Variants in MAGI1 observed in about 807,000 individuals in gnomAD.
The protein encoded by MAGI1 is membrane associated guanylate kinase, WW and PDZ domain containing 1.
MAGI1 carries 58 observed loss-of-function variants against 139.9 expected under a neutral mutation model. The observed-to-expected ratio is 0.41, with a 90% CI of 0.34 to 0.52. The LOEUF is 0.52. Among genes scored for constraint, MAGI1 ranks in the 20% least tolerant of loss-of-function variants. MAGI1 has a pLI of 0.12. For synonymous variants in MAGI1, 812 were observed against 737.9 expected (o/e 1.10, Z -1.63); for missense variants, 1,874 against 1,901.6 (o/e 0.99, Z 0.27).
intron 6 of MAGI1, chr3:65,452,752 T>C (rs1228808249): frequency 6.5e-6 from 1 of 153,252 alleles, no homozygotes; most frequent in African/African-American, 2.4e-5. Context: ...TTACTACATA[T>C]TGTGGGTATA....
intron 2 of MAGI1, among the ~76,000 whole-genome samples, chr3:65,523,312 C>T (rs2078242993): frequency 6.6e-6 from 1 of 151,908 alleles, no homozygotes; most frequent in Non-Finnish European, 1.5e-5. Flanking sequence ...CTAGTTTACA[C>T]AACTGTGAAA....
chr3:65,414,734 C>G (rs1464541646), intron 12 of MAGI1, among the ~76,000 whole-genome samples: 3 of 151,214 alleles, frequency 2.0e-5, no homozygotes, highest in African/African-American at 7.3e-5. Context: ...ACAACCTTTT[C>G]ATAAGAAAAA....
At chr3:65,496,160 G>C (rs1952427865) in intron 2 of MAGI1, among the ~76,000 whole-genome samples, 1 of 151,678 alleles carries the variant, frequency 6.6e-6, no homozygotes, top group East Asian at 1.9e-4. Flanking sequence ...TCTCACCTCA[G>C]CCTCCTGAGT....
chr3:65,947,160 T>C (rs561399027), intron 1 of MAGI1, among the ~76,000 whole-genome samples: 2 of 152,320 alleles, frequency 1.3e-5, no homozygotes, highest in African/African-American at 2.4e-5. Flanking sequence ...GTGTTTCCTG[T>C]AGTTCTTCAA....
intron 1 of MAGI1, among the ~76,000 whole-genome samples, chr3:65,919,488 G>T (rs772772954): frequency 2.6e-5 from 4 of 151,964 alleles, no homozygotes; most frequent in African/African-American, 9.7e-5. Context: ...CTTGAGCCCA[G>T]GAGTTTGAGG....
intron 4 of MAGI1, among the ~76,000 whole-genome samples, chr3:65,471,246 A>T (rs1374634745): frequency 6.6e-6 from 1 of 152,162 alleles, no homozygotes; most frequent in Non-Finnish European, 1.5e-5. Context: ...ATGTCATCAA[A>T]GTATCCCCGA....
At chr3:65,893,102 G>C (rs1339361236) in intron 1 of MAGI1, among the ~76,000 whole-genome samples, 4 of 152,118 alleles carry the variant, frequency 2.6e-5, no homozygotes, top group Admixed American at 2.6e-4. Flanking sequence ...ATCTAAGAAG[G>C]CTACACTGGT....
In MAGI1 at chr3:65,402,719, C is replaced by A. The variant is rs151058995; in HGVS notation, c.2168-1249G>T. ...TCAGCACAAGTAATATGAGGCGAGG[C>A]AAGGCAAGTGGGTGAGTAAGGAGGA... On this transcript the variant is annotated intron_variant, in intron 12 of 22. Coordinates refer to ENST00000402939, the MANE Select transcript of MAGI1 (RefSeq NM_001033057.2). Among the ~76,000 whole-genome samples, 388 of 152,158 alleles carry A rather than the reference C, an allele frequency of 2.5e-3. 1 individual carries two copies. The highest frequency in any genetic ancestry group is 9.0e-3 in the African/African-American group (375 of 41,494).
intron 3 of MAGI1, 23 bp from the exon 4 acceptor site, chr3:65,478,821 T>G (rs771471164): frequency 2.6e-6 from 4 of 1,567,504 alleles, no homozygotes; most frequent in Non-Finnish European, 3.5e-6. Flanking sequence ...GAGACACATT[T>G]GCATGTTTCA....
At chr3:65,656,923 T>C (rs1012340540) in intron 1 of MAGI1, among the ~76,000 whole-genome samples, 2 of 128,420 alleles carry the variant, frequency 1.6e-5, no homozygotes, top group Admixed American at 2.0e-4. Flanking sequence ...ACTTGAACAG[T>C]GAGCCAAGAT....
At chr3:65,675,025 G>A (rs1482035287) in intron 1 of MAGI1, among the ~76,000 whole-genome samples, 1 of 152,040 alleles carries the variant, frequency 6.6e-6, no homozygotes, top group Non-Finnish European at 1.5e-5. Context: ...TCATGGGGCT[G>A]GCTCTGCTGT....
intron 1 of MAGI1, among the ~76,000 whole-genome samples, chr3:65,713,352 G>C (rs909700345): frequency 2.0e-5 from 3 of 152,160 alleles, no homozygotes; most frequent in African/African-American, 7.2e-5. Context: ...TCTGGAAAGA[G>C]AGCCTTGTAT....
At chr3:65,616,797 T>C (rs576545569) in intron 2 of MAGI1, among the ~76,000 whole-genome samples, 11 of 152,334 alleles carry the variant, frequency 7.2e-5, no homozygotes, top group South Asian at 2.1e-4. Context: ...AACACAGGTA[T>C]GCACATTCCA....
chr3:65,903,564 C>T (rs952167453), intron 1 of MAGI1, among the ~76,000 whole-genome samples: 3 of 152,132 alleles, frequency 2.0e-5, no homozygotes, highest in East Asian at 1.9e-4. Flanking sequence ...CATGCCTGCA[C>T]GTACACACAC....
chr3:65,763,393 T>C (rs1033180334), intron 1 of MAGI1, among the ~76,000 whole-genome samples: 1 of 152,158 alleles, frequency 6.6e-6, no homozygotes, highest in African/African-American at 2.4e-5. Context: ...TTTGTAAGCT[T>C]TTCTCCTGTG....
intron 1 of MAGI1, among the ~76,000 whole-genome samples, chr3:65,671,741 T>TG (rs2086869373): frequency 1.3e-5 from 2 of 152,280 alleles, no homozygotes; most frequent in South Asian, 2.1e-4. Flanking sequence ...AAAGCTAGAC[T>TG]GTGTGTCAAA....
At chr3:65,402,314 G>T (rs1474814059) in intron 12 of MAGI1, among the ~76,000 whole-genome samples, 2 of 152,296 alleles carry the variant, frequency 1.3e-5, no homozygotes, top group African/African-American at 4.8e-5. Context: ...CCAAAACCCT[G>T]TCCTTAGTGG....
chr3:65,866,624 CA>C (rs1396942180), intron 1 of MAGI1, among the ~76,000 whole-genome samples: 3 of 152,110 alleles, frequency 2.0e-5, no homozygotes, highest in Non-Finnish European at 2.9e-5. Flanking sequence ...TGCAGCATCT[CA>C]TTTATATATA....
intron 1 of MAGI1, among the ~76,000 whole-genome samples, chr3:66,021,493 C>G (rs2107552151): frequency 6.6e-6 from 1 of 152,334 alleles, no homozygotes; most frequent in Admixed American, 6.5e-5. Flanking sequence ...TCTTGACTGC[C>G]TCCCACAATC....
Sources: allele counts gnomAD v4.1 joint callset (sites outside exome capture counted in the v4.1 genomes callset), GRCh38; gene constraint gnomAD v4.1.1; transcripts MANE v1.5; gene names NCBI Gene and HGNC (gene_info 2026-07-23, HGNC 2026-07-21).